PRKCE: variants seen among roughly 807,000 people sequenced by gnomAD.
PRKCE encodes the protein protein kinase C epsilon type.
In PRKCE, 16 loss-of-function variants were observed where a neutral mutation model predicts 85.4. The observed-to-expected ratio is 0.19, with a 90% CI of 0.13 to 0.28. The LOEUF (loss-of-function observed/expected upper bound fraction) is 0.28, where lower values mean the gene tolerates loss of function less well. PRKCE is among the 10% of genes least tolerant of loss of function. The pLI is 1.00. For synonymous variants in PRKCE, 388 were observed against 371.5 expected (o/e 1.04, Z -0.51); for missense variants, 573 against 975.2 (o/e 0.59, Z 5.49).
At chr2:45,824,014 C>T (rs867110727) in intron 1 of PRKCE, among the ~76,000 whole-genome samples, 6 of 152,366 alleles carry the variant, frequency 3.9e-5, no homozygotes, top group South Asian at 4.1e-4. Context: ...GGGAGGTTGG[C>T]AGGCTTATGT....
At chr2:45,950,641 C>A (rs905834422) in intron 2 of PRKCE, among the ~76,000 whole-genome samples, 2 of 152,076 alleles carry the variant, frequency 1.3e-5, no homozygotes, top group Non-Finnish European at 2.9e-5. Context: ...GATGCCCAGG[C>A]CAAGTGTCTA....
intron 10 of PRKCE, among the ~76,000 whole-genome samples, chr2:46,072,785 G>C (rs1419326812): frequency 6.6e-6 from 1 of 152,140 alleles, no homozygotes; most frequent in Non-Finnish European, 1.5e-5. Flanking sequence ...GTTTTGATGG[G>C]GGTGCACTTT....
At chr2:46,101,580 G>T (rs535905470) in intron 11 of PRKCE, among the ~76,000 whole-genome samples, 1 of 152,178 alleles carries the variant, frequency 6.6e-6, no homozygotes, top group African/African-American at 2.4e-5. Flanking sequence ...AGAGGCTGTC[G>T]AATGACTGTC....
intron 1 of PRKCE, among the ~76,000 whole-genome samples, chr2:45,741,782 C>T (rs1404676714): frequency 2.0e-5 from 3 of 152,176 alleles, no homozygotes; most frequent in Non-Finnish European, 4.4e-5. Context: ...CCAGCATGAC[C>T]ACTGGGTGAC....
chr2:45,963,519 G>A (rs940085197), intron 2 of PRKCE, among the ~76,000 whole-genome samples: 5 of 152,110 alleles, frequency 3.3e-5, no homozygotes, highest in African/African-American at 4.8e-5. Flanking sequence ...ATGTTGGCCA[G>A]GCTGGTCTAG....
chr2:45,880,798 T>C (rs898317769), intron 2 of PRKCE, among the ~76,000 whole-genome samples: 5 of 152,180 alleles, frequency 3.3e-5, no homozygotes, highest in Non-Finnish European at 5.9e-5. Flanking sequence ...CTTGTCACTT[T>C]CGTTATCATA....
intron 10 of PRKCE, among the ~76,000 whole-genome samples, chr2:46,039,200 A>G (rs1203996709): frequency 6.6e-6 from 1 of 152,228 alleles, no homozygotes; most frequent in Non-Finnish European, 1.5e-5. Flanking sequence ...TGCAATGTTA[A>G]GTCCTTTACA....
chr2:45,739,562 TA>T (rs957655792), intron 1 of PRKCE, among the ~76,000 whole-genome samples: 5 of 152,030 alleles, frequency 3.3e-5, no homozygotes, highest in Non-Finnish European at 5.9e-5. Flanking sequence ...GACGTTTATA[TA>T]AAAAAAATTA....
At position 46,007,631 on chromosome 2, in the gene PRKCE, C is replaced by T; in HGVS notation, c.1233C>T (p.Ile411=). ...KRLGLDEFNF[I]KVLGKGSFGK... ...TGGGCCTGGATGAGTTCAACTTCAT[C>T]AAGGTGTTGGGCAAAGGCAGCTTTG... is the stretch of plus-strand genomic sequence containing the variant. The change falls in exon 9 of 15, where the codon ATC becomes ATT. Residue 411 remains isoleucine (I), a synonymous_variant. Transcript: ENST00000306156. The T allele has an allele frequency of 6.3e-7, 1 of 1,599,798 alleles. No individual in the cohort carries two copies. Among genetic ancestry groups the T allele is most frequent in the Non-Finnish European group, 8.5e-7 (1 of 1,179,970 alleles).
At chr2:45,904,561 G>A (rs926769259) in intron 2 of PRKCE, among the ~76,000 whole-genome samples, 1 of 152,166 alleles carries the variant, frequency 6.6e-6, no homozygotes, top group Non-Finnish European at 1.5e-5. Flanking sequence ...GGTGGGTTGG[G>A]CTCTGGGCAT....
intron 11 of PRKCE, among the ~76,000 whole-genome samples, chr2:46,116,983 A>G (rs2104292388): frequency 6.6e-6 from 1 of 152,348 alleles, no homozygotes; most frequent in African/African-American, 2.4e-5. Context: ...TTATTGGTCA[A>G]ATTTCACAGA....
chr2:46,000,467 A>AC (rs1389594160), intron 6 of PRKCE, among the ~76,000 whole-genome samples: 1 of 147,506 alleles, frequency 6.8e-6, no homozygotes, highest in African/African-American at 2.5e-5. Context: ...TAAAAAAAAA[A>AC]AACAACCCTC....
At chr2:45,781,565 G>C (rs1686190474) in intron 1 of PRKCE, among the ~76,000 whole-genome samples, 1 of 152,158 alleles carries the variant, frequency 6.6e-6, no homozygotes, top group African/African-American at 2.4e-5. Flanking sequence ...CAGAACCTTT[G>C]AAACAGGTGC....
chr2:45,763,882 T>C (rs1357290347), intron 1 of PRKCE, among the ~76,000 whole-genome samples: 2 of 152,220 alleles, frequency 1.3e-5, no homozygotes, highest in Non-Finnish European at 2.9e-5. Flanking sequence ...CTTTGGTGTT[T>C]GTTTTGGTGG....
At chr2:45,856,405 A>T (rs887389825) in intron 2 of PRKCE, among the ~76,000 whole-genome samples, 25 of 151,966 alleles carry the variant, frequency 1.6e-4, no homozygotes, top group African/African-American at 6.0e-4. Flanking sequence ...TAACTTTTAT[A>T]TTTTTGGTAG....
chr2:45,902,070 A>G (rs60552363), intron 2 of PRKCE, among the ~76,000 whole-genome samples: 1 of 152,134 alleles, frequency 6.6e-6, no homozygotes, highest in African/African-American at 2.4e-5. Flanking sequence ...CTAGGAAATT[A>G]TTTCACCCTC....
At chr2:45,909,856 C>T (rs1166935976) in intron 2 of PRKCE, among the ~76,000 whole-genome samples, 2 of 152,206 alleles carry the variant, frequency 1.3e-5, no homozygotes, top group Non-Finnish European at 2.9e-5. Flanking sequence ...GGGGCAGACA[C>T]GTGGCCAACA....
At chr2:45,712,447 C>T (rs192206914) in intron 1 of PRKCE, among the ~76,000 whole-genome samples, 4 of 152,156 alleles carry the variant, frequency 2.6e-5, no homozygotes, top group African/African-American at 2.4e-5. Context: ...TGAGTCACTG[C>T]GCCCGGCCTG....
chr2:46,094,603 A>T (rs2103992201), intron 11 of PRKCE, among the ~76,000 whole-genome samples: 1 of 151,458 alleles, frequency 6.6e-6, no homozygotes, highest in Admixed American at 6.6e-5. Flanking sequence ...CATGGTGGGG[A>T]ACTACACACA....
Sources: gnomAD v4.1 joint callset for allele counts (sites outside exome capture counted in the v4.1 genomes callset) on GRCh38, gnomAD v4.1.1 for gene constraint, MANE v1.5 for transcripts, NCBI Gene and HGNC (gene_info 2026-07-23, HGNC 2026-07-21) for gene names.